Variants in VDR observed in about 807,000 individuals in gnomAD.
VDR encodes the protein vitamin D3 receptor.
VDR carries 19 observed loss-of-function variants against 39.7 expected under a neutral mutation model. The ratio of observed to expected loss-of-function variants is 0.48; its 90% CI spans 0.33 to 0.70. The LOEUF is 0.70. Ranked by LOEUF, VDR falls within the 30% of genes least tolerant of loss-of-function variation. The probability of loss-of-function intolerance (pLI) is 0.02; values close to 1 mark genes in which losing one functional copy is unlikely to be tolerated. For synonymous variants in VDR, 242 were observed against 215.8 expected (o/e 1.12, Z -1.07); for missense variants, 442 against 570.5 (o/e 0.77, Z 2.29).
chr12:47,859,933 T>G (rs1945590074), intron 4 of VDR, among the ~76,000 whole-genome samples: 1 of 108,232 alleles, frequency 9.2e-6, no homozygotes, highest in East Asian at 2.7e-4. Context: ...TTTTCTTTCT[T>G]TCTTTCTTTC....
intron 1 of VDR, chr12:47,904,477 A>C: frequency 1.0e-6 from 1 of 960,998 alleles, no homozygotes; most frequent in South Asian, 2.1e-5. Flanking sequence ...AAAAAAAAAA[A>C]AAAAAAAAAA....
At chr12:47,847,968 C>T (rs575425521) in intron 7 of VDR, among the ~76,000 whole-genome samples, 3 of 151,884 alleles carry the variant, frequency 2.0e-5, no homozygotes, top group East Asian at 1.9e-4. Flanking sequence ...GGCGCGATCT[C>T]GGCTCACTGC....
intron 1 of VDR, among the ~76,000 whole-genome samples, chr12:47,889,122 C>T (rs986828633): frequency 1.3e-5 from 2 of 152,134 alleles, no homozygotes; most frequent in Admixed American, 1.3e-4. Flanking sequence ...ACTGCGTGGC[C>T]TTGGACATGT....
In VDR at chr12:47,844,330, C is replaced by T. The variant is rs752375293; in HGVS notation, c.*416G>A. 2 of 316,652 alleles carry T rather than the reference C, an allele frequency of 6.3e-6. No individual in the cohort carries two copies. Among genetic ancestry groups the T allele is most frequent in the South Asian group, 3.5e-5 (1 of 28,212 alleles). The allele number at this position is 316,652 out of a possible 1,614,324, so 19.6% of individuals were successfully genotyped here. A position where few individuals can be genotyped will look rare whatever the true frequency, so the allele number is the denominator to read the frequency against. On this transcript the variant is annotated 3_prime_UTR_variant, in exon 10 of 10. Coordinates refer to ENST00000549336, the MANE Select transcript of VDR (RefSeq NM_000376.3). ...GGCAGGAGAGGGAGACCCCACTAGGCGCTGGACAAGCGGGGCCTGCAGTGG... is the reference window on the plus strand; with the variant it reads ...GGCAGGAGAGGGAGACCCCACTAGGTGCTGGACAAGCGGGGCCTGCAGTGG...
chr12:47,850,999 A>G (rs1945377013), intron 7 of VDR, among the ~76,000 whole-genome samples: 1 of 152,128 alleles, frequency 6.6e-6, no homozygotes, highest in African/African-American at 2.4e-5. Flanking sequence ...TGTCTTCTCA[A>G]CAACTTTTGT....
At chr12:47,869,127 T>C (rs1166246305) in intron 3 of VDR, among the ~76,000 whole-genome samples, 1 of 152,258 alleles carries the variant, frequency 6.6e-6, no homozygotes, top group Non-Finnish European at 1.5e-5. Context: ...GCCATCTTTC[T>C]CTCATTTTTC....
intron 1 of VDR, among the ~76,000 whole-genome samples, chr12:47,893,834 C>T (rs367719238): frequency 1.3e-5 from 2 of 152,234 alleles, no homozygotes; most frequent in African/African-American, 4.8e-5. Flanking sequence ...TGCAGATAGG[C>T]ACATGCCAGT....
rs879593461 is a variant in VDR at position 47,857,704 on chromosome 12, G to C, written c.278-16C>G. 12 of 1,610,852 alleles carry C rather than the reference G, an allele frequency of 7.4e-6. No homozygotes were observed. The highest frequency in any genetic ancestry group is 1.0e-5 in the Non-Finnish European group (12 of 1,177,644). On this transcript the variant is annotated splice_polypyrimidine_tract_variant and intron_variant, in intron 4 of 9. Transcript: ENST00000549336. ...GTCAGAATGACTGTGGGGTGGGAAGGGGAGTCAGGAGGGCTGGCCAGCAGC... is the reference window on the plus strand; with the variant it reads ...GTCAGAATGACTGTGGGGTGGGAAGCGGAGTCAGGAGGGCTGGCCAGCAGC...
At chr12:47,878,827 T>G in intron 3 of VDR, 141 bp downstream of exon 3, 4 of 1,346,462 alleles carry the variant, frequency 3.0e-6, no homozygotes, top group Non-Finnish European at 4.1e-6. Context: ...AAGACCCTCC[T>G]GCTCCTGTGG....
At position 47,857,627 on chromosome 12, in the gene VDR, C is replaced by T. The variant is rs746718889; in HGVS notation, c.339G>A (p.Glu113=). 1.2e-6 allele frequency: 2 copies of T among 1,614,226 alleles called. No individual in the cohort carries two copies. The highest frequency in any genetic ancestry group is 1.7e-5 in the Admixed American group (1 of 60,026). ...GCCGCAGACTGTCCTTCAAGGCCTC[C>T]TCCTCCTTCCGCTTCAGGATCATCT... ...KREMILKRKE[E]EALKDSLRPK... Residue 113 remains glutamate, a synonymous_variant, in exon 5 of 10, where the codon GAG becomes GAA. Transcript: ENST00000549336.
intron 4 of VDR, among the ~76,000 whole-genome samples, chr12:47,860,148 T>A (rs1007182912): frequency 3.9e-5 from 6 of 151,904 alleles, no homozygotes; most frequent in Admixed American, 1.3e-4. Flanking sequence ...GTATTTTTAG[T>A]AGAGATGGGG....
chr12:47,849,433 G>A (rs778765064), intron 7 of VDR, among the ~76,000 whole-genome samples: 14 of 152,212 alleles, frequency 9.2e-5, no homozygotes, highest in Non-Finnish European at 1.5e-4. Flanking sequence ...TGTTAGCGCC[G>A]AGATTAATGA....
At chr12:47,904,698 G>A in intron 1 of VDR, 1 of 1,480,226 alleles carries the variant, frequency 6.8e-7, no homozygotes. Flanking sequence ...CACTGTGTTA[G>A]CGGAGCATTT....
intron 1 of VDR, 74 bp from the exon 2 acceptor site, chr12:47,882,848 C>G: frequency 8.2e-7 from 1 of 1,219,700 alleles, no homozygotes; most frequent in Non-Finnish European, 1.1e-6. Flanking sequence ...AGGAAGTGGG[C>G]ACGAGAGGCT....
chr12:47,861,267 A>G (rs1446406434), intron 4 of VDR, among the ~76,000 whole-genome samples: 1 of 152,272 alleles, frequency 6.6e-6, no homozygotes, highest in Non-Finnish European at 1.5e-5. Flanking sequence ...CTTGTAAATT[A>G]CCCACTTTAA....
intron 3 of VDR, among the ~76,000 whole-genome samples, chr12:47,877,100 A>G (rs1946023185): frequency 6.6e-6 from 1 of 152,196 alleles, no homozygotes; most frequent in Non-Finnish European, 1.5e-5. Context: ...TGAAAGAAAC[A>G]CAAGGCCAGA....
intron 3 of VDR, among the ~76,000 whole-genome samples, chr12:47,866,247 A>G (rs1247449559): frequency 6.6e-6 from 1 of 151,700 alleles, no homozygotes; most frequent in African/African-American, 2.4e-5. Context: ...AGCTGGGACT[A>G]CAGGCGCCCA....
At chr12:47,889,249 C>T (rs892598061) in intron 1 of VDR, among the ~76,000 whole-genome samples, 1 of 152,026 alleles carries the variant, frequency 6.6e-6, no homozygotes, top group Non-Finnish European at 1.5e-5. Flanking sequence ...CCAGCCTGGC[C>T]GAGTCCAGTA....
In VDR at chr12:47,844,696, G is replaced by A. The variant is rs1046890462; in HGVS notation, c.*50C>T. The A allele has an allele frequency of 5.6e-6, 9 of 1,611,580 alleles. No homozygotes were observed. Among genetic ancestry groups the A allele is most frequent in the Admixed American group, 1.7e-5 (1 of 59,996 alleles). ...TAGCCGCCAGCCCCGGGCCTGGCAC[G>A]TGGCCCTGGAGGAGCAGCCCCACCC... On this transcript the variant is annotated 3_prime_UTR_variant, in exon 10 of 10. Transcript: ENST00000549336.
Sources: allele counts gnomAD v4.1 joint callset (sites outside exome capture counted in the v4.1 genomes callset), GRCh38; gene constraint gnomAD v4.1.1; transcripts MANE v1.5; gene names NCBI Gene and HGNC (gene_info 2026-07-23, HGNC 2026-07-21).